Variants in MTTP observed in about 807,000 individuals in gnomAD.
MTTP encodes microsomal triglyceride transfer protein, also known as microsomal triglyceride transfer protein large subunit.
MTTP carries 49 observed loss-of-function variants against 90.6 expected under a neutral mutation model. That is an observed-to-expected ratio of 0.54 (90% CI 0.43 to 0.69). MTTP has a LOEUF of 0.69. Among genes scored for constraint, MTTP ranks in the 30% least tolerant of loss-of-function variants. The probability of loss-of-function intolerance (pLI) is 0.00; values close to 1 mark genes in which losing one functional copy is unlikely to be tolerated. For missense variants in MTTP, 945 were observed against 1,067.5 expected, an observed-to-expected ratio of 0.89 and a Z score of 1.60; for synonymous variants, 347 against 384.2, an observed-to-expected ratio of 0.90 and a Z score of 1.13.
In MTTP at chr4:99,569,770, C is replaced by T. The variant is rs1724793536; in HGVS notation, c.-101-5039C>T. On this transcript the variant is annotated intron_variant, in intron 1 of 18. Transcript: ENST00000457717. ...TTAAACAAGAAATCTCAAACCATAT[C>T]TACATCTGCTGTTTACCAGACTGCT... Among the ~76,000 whole-genome samples, 3 of 152,100 alleles carry T rather than the reference C, an allele frequency of 2.0e-5. No homozygotes were observed. The South Asian group carries it at 6.2e-4, about 32-fold the overall frequency.
chr4:99,572,783 T>G (rs1387245713), upstream of MTTP, among the ~76,000 whole-genome samples: 1 of 151,880 alleles, frequency 6.6e-6, no homozygotes, highest in Admixed American at 6.6e-5. Flanking sequence ...ATACACAGAG[T>G]TTACTGAATT....
chr4:99,582,083 C>A lies in MTTP; in HGVS notation c.240C>A (p.Ile80=). The A allele has an allele frequency of 6.2e-7, 1 of 1,614,052 alleles. No individual in the cohort carries two copies. Among genetic ancestry groups the A allele is most frequent in the East Asian group, 2.2e-5 (1 of 44,880 alleles). The change falls in exon 2 of 18, where the codon ATC becomes ATA. Residue 80 remains isoleucine, a synonymous_variant. Transcript: ENST00000265517. ...CTGATGGTGATGATGACCAGTTGAT[C>A]CAAATAACGGTGGGCATTTTCTACC... ...RNPDGDDDQL[I]QITMKDVNVE...
chr4:99,601,115 ATTC>A (rs375081096), intron 9 of MTTP, among the ~76,000 whole-genome samples: 2 of 152,150 alleles, frequency 1.3e-5, no homozygotes, highest in African/African-American at 4.8e-5. Context: ...AAGAGATACA[ATTC>A]TTCTGCTGTT....
At chr4:99,570,579 C>T, upstream of MTTP, 3 of 400,734 alleles carry the variant, frequency 7.5e-6, no homozygotes, top group Admixed American at 2.8e-5. Flanking sequence ...ACAATGGCTC[C>T]CCAAAGATCT....
Position 99,577,447 on chromosome 4 carries a change from AAC to A in MTTP, c.61+2481_61+2482del, listed in dbSNP as rs555583243. Among the ~76,000 whole-genome samples, 1,337 of 151,992 alleles carry A rather than the reference AAC, an allele frequency of 8.8e-3. 15 individuals are homozygous for A. The highest frequency in any genetic ancestry group is 0.013 in the Non-Finnish European group (887 of 67,960). On this transcript the variant is annotated intron_variant, in intron 1 of 17. Transcript: ENST00000265517. Reference sequence around the variant, plus strand: ...GTGGAGAAACCCCATCTCTGCTAAAAACACAAAATTAGCCAGGCATGGTAGCG... The same window carrying A: ...GTGGAGAAACCCCATCTCTGCTAAAAACAAAATTAGCCAGGCATGGTAGCG...
intron 10 of MTTP, among the ~76,000 whole-genome samples, chr4:99,604,304 C>A (rs1325618037): frequency 6.6e-6 from 1 of 152,178 alleles, no homozygotes; most frequent in Non-Finnish European, 1.5e-5. Flanking sequence ...AGTCCTGTGA[C>A]AGTCTGAATG....
chr4:99,590,289 C>G (rs1420527985), intron 4 of MTTP, among the ~76,000 whole-genome samples: 1 of 152,120 alleles, frequency 6.6e-6, no homozygotes, highest in Non-Finnish European at 1.5e-5. Context: ...AGGGTTTCAC[C>G]ATGTTGGCCA....
chr4:99,586,864 C>T (rs887839649), intron 3 of MTTP, among the ~76,000 whole-genome samples: 1 of 152,092 alleles, frequency 6.6e-6, no homozygotes, highest in Admixed American at 6.6e-5. Flanking sequence ...ACTGTACCAC[C>T]TTCCCAGCCA....
At chr4:99,605,702 A>T (rs556982761) in intron 10 of MTTP, among the ~76,000 whole-genome samples, 5 of 152,290 alleles carry the variant, frequency 3.3e-5, no homozygotes, top group African/African-American at 1.2e-4. Context: ...CCATAGTCTC[A>T]CCTACAAAAT....
At chr4:99,593,723 G>A (rs1725484382) in intron 6 of MTTP, among the ~76,000 whole-genome samples, 1 of 152,084 alleles carries the variant, frequency 6.6e-6, no homozygotes. Context: ...TAAAATGCTT[G>A]AAATTTTATA....
intron 1 of MTTP, among the ~76,000 whole-genome samples, chr4:99,567,205 A>G (rs1410545371): frequency 6.6e-6 from 1 of 152,220 alleles, no homozygotes; most frequent in Non-Finnish European, 1.5e-5. Context: ...ATGAATATTG[A>G]AGACTCTGGG....
At chr4:99,581,477 A>T (rs897546933) in intron 1 of MTTP, among the ~76,000 whole-genome samples, 3 of 152,208 alleles carry the variant, frequency 2.0e-5, no homozygotes, top group Admixed American at 1.3e-4. Flanking sequence ...TCTAACCACT[A>T]AAACTACCTT....
At chr4:99,582,196 T>G in intron 2 of MTTP, 104 bp downstream of exon 2, 1 of 1,194,382 alleles carries the variant, frequency 8.4e-7, no homozygotes, top group East Asian at 2.3e-5. Flanking sequence ...ATAAATCCAT[T>G]TAGTTTCTTA....
At chr4:99,576,470 C>T (rs1218896543) in intron 1 of MTTP, among the ~76,000 whole-genome samples, 18 of 151,560 alleles carry the variant, frequency 1.2e-4, no homozygotes, top group South Asian at 2.1e-4. Context: ...CCGAGGCGGG[C>T]GGATCACGAG....
At chr4:99,569,683 A>C (rs1490083460) in intron 1 of MTTP, among the ~76,000 whole-genome samples, 2 of 152,036 alleles carry the variant, frequency 1.3e-5, no homozygotes, top group African/African-American at 4.8e-5. Flanking sequence ...GATAATAATT[A>C]TTAAGGTGTT....
At chr4:99,582,227 T>A (rs1223227187) in intron 2 of MTTP, 135 bp downstream of exon 2, 28 of 893,676 alleles carry the variant, frequency 3.1e-5, no homozygotes. Flanking sequence ...AAACAAGCAG[T>A]TCTATGTATT....
At chr4:99,588,746 C>A in intron 3 of MTTP, among the ~76,000 whole-genome samples, 1 of 107,746 alleles carries the variant, frequency 9.3e-6, no homozygotes, top group Middle Eastern at 5.2e-3. Context: ...TATATATGTT[C>A]ATATATATAC....
intron 10 of MTTP, among the ~76,000 whole-genome samples, chr4:99,605,842 T>C (rs189553951): frequency 6.7e-6 from 1 of 148,474 alleles, no homozygotes; most frequent in East Asian, 2.0e-4. Context: ...CTCTTCCCCA[T>C]ATCATCCATT....
chr4:99,598,381 G>A (rs1427911304), intron 8 of MTTP, among the ~76,000 whole-genome samples: 3 of 152,070 alleles, frequency 2.0e-5, no homozygotes, highest in African/African-American at 4.8e-5. Context: ...AGACATTACT[G>A]AGAATAAAAG....
Sources: allele counts gnomAD v4.1 joint callset (sites outside exome capture counted in the v4.1 genomes callset), GRCh38; gene constraint gnomAD v4.1.1; transcripts MANE v1.5; gene names NCBI Gene and HGNC (gene_info 2026-07-23, HGNC 2026-07-21).